The following PCDH15 variants were observed in gnomAD, a reference collection of about 807,000 sequenced individuals.
The protein encoded by PCDH15 is protocadherin-15.
PCDH15 carries 129 observed loss-of-function variants against 178.5 expected under a neutral mutation model. The observed-to-expected ratio is 0.72, with a 90% CI of 0.63 to 0.84. PCDH15 has a LOEUF of 0.84. Among genes scored for constraint, PCDH15 ranks in the 40% least tolerant of loss-of-function variants. The probability of loss-of-function intolerance (pLI) is 0.00; values close to 1 mark genes in which losing one functional copy is unlikely to be tolerated. For synonymous variants in PCDH15, 800 were observed against 732.0 expected, an observed-to-expected ratio of 1.09 and a Z score of -1.50; for missense variants, 2,230 against 2,099.9, an observed-to-expected ratio of 1.06 and a Z score of -1.21.
chr10:54,356,530 T>C (rs936209512), intron 5 of PCDH15, among the ~76,000 whole-genome samples: 3 of 151,660 alleles, frequency 2.0e-5, no homozygotes, highest in African/African-American at 7.3e-5. Context: ...ATGGTATATA[T>C]ACACTTAATG....
intron 25 of PCDH15, among the ~76,000 whole-genome samples, chr10:53,926,576 T>C (rs115122708): frequency 0.011 from 1,657 of 152,296 alleles, 37 homozygotes; most frequent in African/African-American, 0.038. Context: ...ACTAGGGCAA[T>C]TCACTGTCTT....
intron 3 of PCDH15, among the ~76,000 whole-genome samples, chr10:54,526,870 G>A (rs1321779884): frequency 6.6e-6 from 1 of 152,080 alleles, no homozygotes; most frequent in African/African-American, 2.4e-5. Context: ...ACTGATGCAG[G>A]AATTGCCTAT....
chr10:54,975,610 T>G (rs752650810), intron 2 of PCDH15, among the ~76,000 whole-genome samples: 14 of 151,984 alleles, frequency 9.2e-5, no homozygotes, highest in African/African-American at 4.8e-5. Context: ...AGAGGTGACT[T>G]TTGAGATAAA....
chr10:54,915,304 A>AT (rs1000870886), intron 2 of PCDH15, among the ~76,000 whole-genome samples: 6 of 152,176 alleles, frequency 3.9e-5, no homozygotes, highest in Admixed American at 2.0e-4. Context: ...ACAAAGCTTC[A>AT]TTTTTTAGTC....
rs2093563600 is a variant in PCDH15, at chr10:54,626,743, C to A, written c.91+37429G>T. Among the ~76,000 whole-genome samples, 4 of 152,246 alleles carry A rather than the reference C, an allele frequency of 2.6e-5. No homozygotes were observed. The South Asian group carries it at 8.3e-4, about 32-fold the overall frequency. On this transcript the variant is annotated intron_variant, in intron 2 of 37. Coordinates refer to ENST00000644397, the MANE Select transcript of PCDH15 (RefSeq NM_001384140.1). ...ACACAGAGTCCCTATTGGGGCACTG[C>A]CTAGTAGAGCTGTGAGAAAAGGGCC...
chr10:54,914,117 G>A (rs914052271), intron 2 of PCDH15, among the ~76,000 whole-genome samples: 1 of 152,110 alleles, frequency 6.6e-6, no homozygotes, highest in Non-Finnish European at 1.5e-5. Context: ...AGATTTTAGA[G>A]AGGCCAGGGA....
rs113291991 is a variant in PCDH15, at chr10:54,231,708, C to T, written c.985+5115G>A. ...GCAGAAATACCCAAGGCCTTGGGAGCCCACCCCCTGCATCAGTGTGGCCTG... is the reference window on the plus strand; with the variant it reads ...GCAGAAATACCCAAGGCCTTGGGAGTCCACCCCCTGCATCAGTGTGGCCTG... On this transcript the variant is annotated intron_variant, in intron 9 of 37. Coordinates refer to ENST00000644397, the MANE Select transcript of PCDH15 (RefSeq NM_001384140.1). Among the ~76,000 whole-genome samples, 548 of 152,328 alleles carry T rather than the reference C, an allele frequency of 3.6e-3. 4 individuals carry two copies. The highest frequency in any genetic ancestry group is 0.012 in the African/African-American group (490 of 41,580).
At chr10:55,228,299 G>C (rs1841111726) in intron 1 of PCDH15, among the ~76,000 whole-genome samples, 2 of 151,786 alleles carry the variant, frequency 1.3e-5, no homozygotes, top group African/African-American at 4.9e-5. Context: ...CATACGTCAA[G>C]TGTTATTTTT....
intron 1 of PCDH15, among the ~76,000 whole-genome samples, chr10:54,731,511 A>C (rs1443104268): frequency 7.3e-6 from 1 of 136,612 alleles, no homozygotes. Flanking sequence ...AATCAACCAA[A>C]GTGCCCATCA....
At chr10:55,464,136 C>T (rs1052173580) in intron 2 of PCDH15, among the ~76,000 whole-genome samples, 3 of 152,010 alleles carry the variant, frequency 2.0e-5, no homozygotes, top group African/African-American at 4.8e-5. Context: ...TACCGGGAGT[C>T]GGATCAACCA....
chr10:55,299,041 A>G (rs1843204557), intron 1 of PCDH15, among the ~76,000 whole-genome samples: 1 of 152,190 alleles, frequency 6.6e-6, no homozygotes, highest in African/African-American at 2.4e-5. Flanking sequence ...GCAGGCTAAC[A>G]GCTGATTTCT....
chr10:55,491,932 G>T (rs2132128886), intron 2 of PCDH15, among the ~76,000 whole-genome samples: 1 of 151,660 alleles, frequency 6.6e-6, no homozygotes, highest in East Asian at 2.0e-4. Context: ...AGAACAGAAT[G>T]CATGGAGTGT....
chr10:55,044,858 C>T (rs1189976774), intron 2 of PCDH15, among the ~76,000 whole-genome samples: 1 of 152,088 alleles, frequency 6.6e-6, no homozygotes, highest in Non-Finnish European at 1.5e-5. Flanking sequence ...TCACAATCCC[C>T]ACCCTCAATG....
chr10:55,258,686 T>C (rs1339740997), intron 1 of PCDH15, among the ~76,000 whole-genome samples: 1 of 151,006 alleles, frequency 6.6e-6, no homozygotes, highest in Non-Finnish European at 1.5e-5. Context: ...ATATTTCATA[T>C]AACCACTGAA....
At chr10:55,426,734 G>A (rs1193394381) in intron 2 of PCDH15, among the ~76,000 whole-genome samples, 1 of 152,132 alleles carries the variant, frequency 6.6e-6, no homozygotes, top group Non-Finnish European at 1.5e-5. Context: ...TGAATTGAAG[G>A]ATGGTAAATG....
intron 2 of PCDH15, among the ~76,000 whole-genome samples, chr10:54,915,766 T>C (rs1378076651): frequency 1.3e-5 from 2 of 152,206 alleles, no homozygotes; most frequent in Non-Finnish European, 2.9e-5. Context: ...TCCCATTCTG[T>C]AAGATTCTAA....
In PCDH15 at chr10:55,334,316, T is replaced by TA. The variant is rs1565021947; in HGVS notation, c.-155-167666_-155-167665insT. ...TATATATCTATATATATATATATAT[T>TA]TTTTTTTTGAGACAGAGTTTCGCTC... On this transcript the variant is annotated intron_variant, in intron 2 of 5. Coordinates refer to the PCDH15 transcript ENST00000613346. 5.8e-5 allele frequency among the ~76,000 whole-genome samples: 8 copies of TA among 137,862 alleles called. No individual in the cohort carries two copies. In the East Asian group the frequency reaches 7.2e-4, roughly 12 times the overall value. 90.4% of individuals were successfully genotyped at this position (137,862 alleles called of 152,430 possible). A position where few individuals can be genotyped will look rare whatever the true frequency, so the allele number is the denominator to read the frequency against.
intron 6 of PCDH15, among the ~76,000 whole-genome samples, chr10:54,345,262 C>T (rs1418789366): frequency 6.6e-6 from 1 of 151,922 alleles, no homozygotes; most frequent in Admixed American, 6.6e-5. Context: ...ACTGTGAGTT[C>T]TCAGACTCTA....
At chr10:54,498,768 G>T (rs1464504574) in intron 3 of PCDH15, among the ~76,000 whole-genome samples, 3 of 152,106 alleles carry the variant, frequency 2.0e-5, no homozygotes, top group Admixed American at 1.3e-4. Context: ...TTCTTGCACT[G>T]CTATAAAGAA....
Sources: gnomAD v4.1 joint callset for allele counts (sites outside exome capture counted in the v4.1 genomes callset) on GRCh38, gnomAD v4.1.1 for gene constraint, MANE v1.5 for transcripts, NCBI Gene and HGNC (gene_info 2026-07-23, HGNC 2026-07-21) for gene names.